Variants in CDH13 observed in about 807,000 individuals in gnomAD.
The protein encoded by CDH13 is cadherin-13.
CDH13 carries 24 observed loss-of-function variants against 63.8 expected under a neutral mutation model. That is an observed-to-expected ratio of 0.38 (90% CI 0.27 to 0.53). CDH13 has a LOEUF of 0.53. CDH13 is among the 20% of genes least tolerant of loss of function. The pLI is 0.85. For missense variants in CDH13, 1,049 were observed against 903.1 expected (o/e 1.16, Z -2.07); for synonymous variants, 503 against 355.3 (o/e 1.42, Z -4.67).
At chr16:83,106,104 C>G (rs74033156) in intron 3 of CDH13, among the ~76,000 whole-genome samples, 1 of 152,226 alleles carries the variant, frequency 6.6e-6, no homozygotes, top group Admixed American at 6.5e-5. Flanking sequence ...ATGTTCATAA[C>G]CTTTGATCCA....
chr16:83,740,187 A>G (rs574322753), intron 10 of CDH13, among the ~76,000 whole-genome samples: 26 of 152,214 alleles, frequency 1.7e-4, no homozygotes, highest in Non-Finnish European at 2.9e-4. Context: ...GCAGGTAGAA[A>G]GTCAGGCAGG....
At chr16:82,957,739 T>C (rs934487925) in intron 2 of CDH13, among the ~76,000 whole-genome samples, 2 of 152,242 alleles carry the variant, frequency 1.3e-5, no homozygotes, top group Admixed American at 6.5e-5. Flanking sequence ...GGATGTTATA[T>C]GCATTAAATG....
intron 6 of CDH13, among the ~76,000 whole-genome samples, chr16:83,369,729 C>G (rs1336148723): frequency 6.6e-6 from 1 of 152,156 alleles, no homozygotes; most frequent in African/African-American, 2.4e-5. Flanking sequence ...CTGTCTTCTT[C>G]TAGTCTTGAT....
intron 6 of CDH13, among the ~76,000 whole-genome samples, chr16:83,390,184 C>T (rs2091758976): frequency 6.7e-6 from 1 of 149,440 alleles, no homozygotes; most frequent in South Asian, 2.1e-4. Context: ...CTCAGAAACA[C>T]TCAATTTCAT....
chr16:82,642,535 G>C (rs149737419), intron 1 of CDH13, among the ~76,000 whole-genome samples: 9 of 152,262 alleles, frequency 5.9e-5, no homozygotes, highest in African/African-American at 2.2e-4. Flanking sequence ...TTAGTTAAAT[G>C]TGCATATGAT....
intron 4 of CDH13, among the ~76,000 whole-genome samples, chr16:83,212,641 C>G (rs1217138093): frequency 6.6e-6 from 1 of 152,152 alleles, no homozygotes; most frequent in Admixed American, 6.5e-5. Context: ...GCAGAGGGCT[C>G]CAAACAGTAG....
chr16:82,943,630 T>G (rs1296065281), intron 2 of CDH13, among the ~76,000 whole-genome samples: 1 of 152,184 alleles, frequency 6.6e-6, no homozygotes, highest in Non-Finnish European at 1.5e-5. Context: ...CACCAGCCCC[T>G]ATCAAGTCAA....
At chr16:83,515,619 G>A (rs1333660800) in intron 7 of CDH13, among the ~76,000 whole-genome samples, 1 of 152,144 alleles carries the variant, frequency 6.6e-6, no homozygotes, top group East Asian at 1.9e-4. Flanking sequence ...AAAAAGCAGT[G>A]TAAAATTTCT....
chr16:83,073,795 A>T (rs1307987033), intron 3 of CDH13, among the ~76,000 whole-genome samples: 1 of 152,076 alleles, frequency 6.6e-6, no homozygotes, highest in African/African-American at 2.4e-5. Flanking sequence ...TATATGTAAT[A>T]TATATAATAT....
chr16:83,564,809 G>T (rs193192769), intron 7 of CDH13, among the ~76,000 whole-genome samples: 1 of 152,216 alleles, frequency 6.6e-6, no homozygotes, highest in East Asian at 1.9e-4. Flanking sequence ...AGAGTATGGA[G>T]GTTGGAGAAA....
chr16:83,691,102 G>C (rs1016107560), intron 10 of CDH13, among the ~76,000 whole-genome samples: 1 of 151,086 alleles, frequency 6.6e-6, no homozygotes, highest in South Asian at 2.1e-4. Flanking sequence ...GTGTGTGTGT[G>C]TGTGTGTGTG....
chr16:83,222,921 G>A (rs545476464), intron 5 of CDH13, among the ~76,000 whole-genome samples: 15 of 152,024 alleles, frequency 9.9e-5, no homozygotes, highest in African/African-American at 3.6e-4. Flanking sequence ...TTTGTTATGG[G>A]GGGCTGTCCT....
At chr16:83,635,551 C>A (rs567336486) in intron 8 of CDH13, among the ~76,000 whole-genome samples, 4 of 151,922 alleles carry the variant, frequency 2.6e-5, no homozygotes, top group Admixed American at 6.6e-5. Flanking sequence ...ACCATGCTGG[C>A]CAGGCTGGTC....
chr16:82,978,222 T>C (rs2151381205), intron 2 of CDH13, among the ~76,000 whole-genome samples: 1 of 152,276 alleles, frequency 6.6e-6, no homozygotes, highest in South Asian at 2.1e-4. Flanking sequence ...AATTGGAACT[T>C]ATGTTTAAAA....
intron 2 of CDH13, 40 bp downstream of exon 2, chr16:82,858,513 A>G (rs755230265): frequency 8.4e-7 from 1 of 1,187,032 alleles, no homozygotes; most frequent in South Asian, 1.2e-5. Context: ...GACTCTTCTC[A>G]TATTTGAATT....
At chr16:83,163,414 A>G (rs1034623123) in intron 4 of CDH13, among the ~76,000 whole-genome samples, 4 of 152,086 alleles carry the variant, frequency 2.6e-5, no homozygotes, top group South Asian at 4.1e-4. Context: ...AAATAAAAAT[A>G]ACAATGGCTA....
chr16:83,643,732 C>G (rs1189916563), intron 8 of CDH13, among the ~76,000 whole-genome samples: 2 of 152,192 alleles, frequency 1.3e-5, no homozygotes, highest in South Asian at 4.1e-4. Flanking sequence ...TTCCATCACT[C>G]AGTCCAGGTT....
chr16:83,299,767 A>G (rs1394686257), intron 5 of CDH13, among the ~76,000 whole-genome samples: 8 of 152,222 alleles, frequency 5.3e-5, no homozygotes, highest in African/African-American at 1.9e-4. Flanking sequence ...TGGAGTTTAT[A>G]TAAGTTATTG....
chr16:82,760,726 G>A lies in CDH13; in HGVS notation c.46-97636G>A, dbSNP rs1029661481. ...TATTTGGCTTACGGTTCTGCAGGCT[G>A]TACAAGAAGCATGGTGCCAGCATCT... is the stretch of plus-strand genomic sequence containing the variant. On this transcript the variant is annotated intron_variant, in intron 1 of 13. Transcript: ENST00000567109. Among the ~76,000 whole-genome samples, 31 of 152,144 alleles carry A rather than the reference G, an allele frequency of 2.0e-4. 1 individual carries two copies. Among genetic ancestry groups the A allele is most frequent in the Admixed American group, 1.8e-3 (28 of 15,288 alleles).
Sources: allele counts gnomAD v4.1 joint callset (sites outside exome capture counted in the v4.1 genomes callset), GRCh38; gene constraint gnomAD v4.1.1; transcripts MANE v1.5; gene names NCBI Gene and HGNC (gene_info 2026-07-23, HGNC 2026-07-21).